KCNIP1: variants seen among roughly 807,000 people sequenced by gnomAD.
The protein encoded by KCNIP1 is potassium voltage-gated channel interacting protein 1.
KCNIP1 carries 18 observed loss-of-function variants against 33.0 expected under a neutral mutation model. That is an observed-to-expected ratio of 0.55 (90% confidence interval 0.38 to 0.81). The LOEUF (loss-of-function observed/expected upper bound fraction) is 0.81, where lower values mean the gene tolerates loss of function less well. Among genes scored for constraint, KCNIP1 ranks in the 30% least tolerant of loss-of-function variants. KCNIP1 has a pLI of 0.00. For missense variants in KCNIP1, 238 were observed against 271.6 expected (o/e 0.88, Z 0.87); for synonymous variants, 93 against 98.3 (o/e 0.95, Z 0.32).
intron 1 of KCNIP1, among the ~76,000 whole-genome samples, chr5:170,475,999 T>TC (rs1756850301): frequency 6.6e-6 from 1 of 151,694 alleles, no homozygotes; most frequent in Non-Finnish European, 1.5e-5. Context: ...AAACAGGGTC[T>TC]CACTCTGTCA....
At chr5:170,603,590 C>G (rs1758782414) in intron 1 of KCNIP1, among the ~76,000 whole-genome samples, 1 of 152,032 alleles carries the variant, frequency 6.6e-6, no homozygotes, top group South Asian at 2.1e-4. Flanking sequence ...TGAGCAGGAC[C>G]CTTGGGGCAG....
chr5:170,405,309 C>T (rs189476370), intron 1 of KCNIP1, among the ~76,000 whole-genome samples: 1 of 152,216 alleles, frequency 6.6e-6, no homozygotes, highest in African/African-American at 2.4e-5. Context: ...ATTCTCCTAC[C>T]TCAGCCTCCC....
intron 1 of KCNIP1, among the ~76,000 whole-genome samples, chr5:170,662,944 T>C (rs950206826): frequency 6.6e-6 from 1 of 152,220 alleles, no homozygotes; most frequent in African/African-American, 2.4e-5. Context: ...AAGTCTTCCT[T>C]AAAACTCAAA....
chr5:170,556,862 A>T (rs1221377903), intron 1 of KCNIP1, among the ~76,000 whole-genome samples: 1 of 152,212 alleles, frequency 6.6e-6, no homozygotes, highest in African/African-American at 2.4e-5. Flanking sequence ...CTGCCACATC[A>T]GGGAATTCTT....
chr5:170,456,307 C>A (rs190529903), intron 1 of KCNIP1, among the ~76,000 whole-genome samples: 35 of 151,860 alleles, frequency 2.3e-4, no homozygotes, highest in African/African-American at 8.0e-4. Context: ...CGGGGCCTGT[C>A]GGAGGGTGGG....
intron 1 of KCNIP1, among the ~76,000 whole-genome samples, chr5:170,687,953 A>G (rs150370289): frequency 5.0e-4 from 76 of 152,344 alleles, no homozygotes; most frequent in African/African-American, 1.8e-3. Flanking sequence ...ATACAAAATA[A>G]CAATGCCAAG....
chr5:170,560,022 G>T (rs1187071780), intron 1 of KCNIP1, among the ~76,000 whole-genome samples: 3 of 152,146 alleles, frequency 2.0e-5, no homozygotes, highest in Non-Finnish European at 4.4e-5. Flanking sequence ...TTAAGTTTGG[G>T]GCTAGGGGAT....
chr5:170,387,593 G>T (rs115184716), intron 1 of KCNIP1, among the ~76,000 whole-genome samples: 1 of 152,140 alleles, frequency 6.6e-6, no homozygotes, highest in African/African-American at 2.4e-5. Context: ...AGTTTCTCCT[G>T]CATTCTAATG....
At chr5:170,727,993 T>C (rs1581553391) in intron 5 of KCNIP1, among the ~76,000 whole-genome samples, 1 of 152,204 alleles carries the variant, frequency 6.6e-6, no homozygotes, top group Admixed American at 6.5e-5. Flanking sequence ...ATAGGGTTTA[T>C]TCCAGGAATG....
At chr5:170,649,391 C>G (rs1442812963) in intron 1 of KCNIP1, among the ~76,000 whole-genome samples, 1 of 152,136 alleles carries the variant, frequency 6.6e-6, no homozygotes, top group Non-Finnish European at 1.5e-5. Flanking sequence ...TGCCTGCCAT[C>G]AAAACTTTTG....
rs148612029 is a variant in KCNIP1, at chr5:170,447,092, C to T, written c.88+93128C>T. On this transcript the variant is annotated intron_variant, in intron 1 of 7. Coordinates refer to the KCNIP1 transcript ENST00000377360. The stretch of plus-strand genomic sequence containing the variant: ...TGAATATTCCTCATGCCTGGCATCA[C>T]GCCTCACTCATAGAGTAGGAATTCA... Among the ~76,000 whole-genome samples the T allele has an allele frequency of 1.6e-3, 238 of 145,086 alleles. 2 individuals are homozygous for T. The highest frequency in any genetic ancestry group is 2.2e-4 in the Non-Finnish European group (15 of 67,300).
intron 1 of KCNIP1, among the ~76,000 whole-genome samples, chr5:170,701,869 G>T (rs2073907801): frequency 6.6e-6 from 1 of 152,168 alleles, no homozygotes; most frequent in Admixed American, 6.5e-5. Flanking sequence ...CAGCTGTGGA[G>T]CTGCGACAGG....
intron 1 of KCNIP1, among the ~76,000 whole-genome samples, chr5:170,636,929 A>G (rs1425866919): frequency 6.6e-6 from 1 of 152,060 alleles, no homozygotes; most frequent in Non-Finnish European, 1.5e-5. Context: ...TAAGTGGTGG[A>G]GCCAGGCCTG....
intron 1 of KCNIP1, among the ~76,000 whole-genome samples, chr5:170,388,598 C>G (rs1475401414): frequency 6.6e-6 from 1 of 152,154 alleles, no homozygotes; most frequent in Non-Finnish European, 1.5e-5. Context: ...TTTGGAGTGT[C>G]CTGGGTGACC....
intron 1 of KCNIP1, among the ~76,000 whole-genome samples, chr5:170,410,666 G>A (rs182170960): frequency 6.6e-6 from 1 of 152,290 alleles, no homozygotes; most frequent in Non-Finnish European, 1.5e-5. Flanking sequence ...TACAAACAAT[G>A]GCCCATGTCT....
intron 1 of KCNIP1, among the ~76,000 whole-genome samples, chr5:170,511,298 C>T (rs1754923935): frequency 6.6e-6 from 1 of 152,254 alleles, no homozygotes. Flanking sequence ...CATGGTGCTG[C>T]ACACCAGGTG....
chr5:170,667,760 A>T (rs1416316366), intron 1 of KCNIP1, among the ~76,000 whole-genome samples: 1 of 152,264 alleles, frequency 6.6e-6, no homozygotes, highest in African/African-American at 2.4e-5. Flanking sequence ...TGGGGATGCC[A>T]AATAAGTTCA....
chr5:170,681,311 G>T, intron 1 of KCNIP1: 2 of 391,720 alleles, frequency 5.1e-6, no homozygotes, highest in Non-Finnish European at 4.5e-6. Flanking sequence ...GGCTGAAACA[G>T]CGTGGTATTG....
chr5:170,400,393 A>G (rs189436138), intron 1 of KCNIP1, among the ~76,000 whole-genome samples: 41 of 152,232 alleles, frequency 2.7e-4, no homozygotes, highest in African/African-American at 9.2e-4. Flanking sequence ...TTATAAGACC[A>G]TCAGATCTCA....
Sources: gnomAD v4.1 joint callset for allele counts (sites outside exome capture counted in the v4.1 genomes callset) on GRCh38, gnomAD v4.1.1 for gene constraint, MANE v1.5 for transcripts, NCBI Gene and HGNC (gene_info 2026-07-23, HGNC 2026-07-21) for gene names.